The following FRMPD4 variants were observed in gnomAD, a reference collection of about 807,000 sequenced individuals.
FRMPD4 encodes the protein FERM and PDZ domain-containing protein 4.
A neutral mutation model predicts 94.1 loss-of-function variants in FRMPD4; 22 were observed. The observed-to-expected ratio is 0.23, with a 90% CI of 0.17 to 0.33. The LOEUF is 0.33. FRMPD4 is among the 10% of genes least tolerant of loss of function. The pLI, the probability that FRMPD4 is intolerant of heterozygous loss-of-function variation, is 1.00. For missense variants in FRMPD4, 1,111 were observed against 1,339.9 expected (o/e 0.83, Z 2.67); for synonymous variants, 631 against 548.6 (o/e 1.15, Z -2.10).
chrX:12,200,519 AG>A (rs1424816541), intron 1 of FRMPD4, among the ~76,000 whole-genome samples: 9 of 110,948 alleles, frequency 8.1e-5, no homozygotes, highest in African/African-American at 2.9e-4. Flanking sequence ...ATTTTTGCAG[AG>A]GTGGGGTCTC....
chrX:12,163,653 C>G (rs1345378096), intron 1 of FRMPD4, among the ~76,000 whole-genome samples: 1 of 111,935 alleles, frequency 8.9e-6, no homozygotes, highest in Non-Finnish European at 1.9e-5. Flanking sequence ...AAGGATAGCA[C>G]TATCCAATGA....
intron 1 of FRMPD4, among the ~76,000 whole-genome samples, chrX:12,146,139 G>A (rs1387381336): frequency 9.0e-6 from 1 of 110,854 alleles, no homozygotes; most frequent in Non-Finnish European, 1.9e-5. Flanking sequence ...CGAGGTGGGC[G>A]GATCACAAGG....
At chrX:12,493,406 A>G (rs1310661167) in intron 1 of FRMPD4, among the ~76,000 whole-genome samples, 1 of 111,418 alleles carries the variant, frequency 9.0e-6, no homozygotes, top group Non-Finnish European at 1.9e-5. Context: ...ATTTTGTTAG[A>G]CCTGTATAGT....
In FRMPD4 at chrX:12,526,057, T is replaced by C. The variant is rs761364702; in HGVS notation, c.158+27261T>C. Among the ~76,000 whole-genome samples, 10 of 112,785 alleles carry C rather than the reference T, an allele frequency of 8.9e-5. No homozygotes were observed. The South Asian group carries it at 3.3e-3, about 37-fold the overall frequency. On this transcript the variant is annotated intron_variant, in intron 2 of 16. Coordinates refer to ENST00000675598, the MANE Select transcript of FRMPD4 (RefSeq NM_001368397.1). The stretch of plus-strand genomic sequence containing the variant: ...TTTCTTTTTATTTCCTGAAATATTT[T>C]GTTATAATCTTTTTCTCAAGTCTGA...
At chrX:12,604,460 C>T (rs1029677369) in intron 2 of FRMPD4, among the ~76,000 whole-genome samples, 1 of 112,051 alleles carries the variant, frequency 8.9e-6, no homozygotes, top group South Asian at 3.7e-4. Flanking sequence ...TGTGTCATTG[C>T]ATTTGATAGG....
chrX:12,023,375 C>T (rs1349478948), intron 3 of FRMPD4, among the ~76,000 whole-genome samples: 1 of 111,626 alleles, frequency 9.0e-6, no homozygotes, highest in Admixed American at 9.5e-5. Flanking sequence ...TCAGTCATCC[C>T]TCATCTCCTG....
chrX:12,310,340 G>C (rs1269640948), intron 1 of FRMPD4, among the ~76,000 whole-genome samples: 2 of 110,742 alleles, frequency 1.8e-5, no homozygotes, highest in Non-Finnish European at 3.8e-5. Context: ...CTTCTTTTGT[G>C]GTGGAATGTC....
chrX:12,067,196 C>G (rs2054928596), intron 3 of FRMPD4, among the ~76,000 whole-genome samples: 1 of 110,020 alleles, frequency 9.1e-6, no homozygotes, highest in African/African-American at 3.3e-5. Context: ...TAAGGAAGCA[C>G]TGAACTCCAT....
chrX:12,626,091 C>G (rs2059343411), intron 4 of FRMPD4, among the ~76,000 whole-genome samples: 1 of 111,037 alleles, frequency 9.0e-6, no homozygotes, highest in Admixed American at 9.6e-5. Flanking sequence ...TTTTGGGAGG[C>G]CAAAGTGGGA....
intron 4 of FRMPD4, among the ~76,000 whole-genome samples, chrX:12,626,912 T>C (rs767300403): frequency 2.7e-5 from 3 of 109,209 alleles, no homozygotes; most frequent in South Asian, 4.1e-4. Context: ...TGCAGAAGAG[T>C]ATATTAGAAA....
At chrX:11,872,892 G>T (rs1396298233) in intron 2 of FRMPD4, among the ~76,000 whole-genome samples, 1 of 112,453 alleles carries the variant, frequency 8.9e-6, no homozygotes, top group African/African-American at 3.2e-5. Flanking sequence ...ACAAGTGTCT[G>T]TGAGGATGTG....
At chrX:11,878,731 T>A (rs955197269) in intron 3 of FRMPD4, among the ~76,000 whole-genome samples, 3 of 112,422 alleles carry the variant, frequency 2.7e-5, no homozygotes, top group African/African-American at 9.7e-5. Context: ...CACTTTGGAA[T>A]GCTGATTGGA....
intron 1 of FRMPD4, among the ~76,000 whole-genome samples, chrX:12,438,681 A>G (rs1001604339): frequency 1.8e-5 from 2 of 111,076 alleles, no homozygotes; most frequent in African/African-American, 6.6e-5. Context: ...CTCAATACAT[A>G]TTTGCTTAAT....
chrX:12,578,154 C>A (rs1452589984), intron 2 of FRMPD4, among the ~76,000 whole-genome samples: 4 of 112,421 alleles, frequency 3.6e-5, no homozygotes, highest in Non-Finnish European at 5.6e-5. Context: ...CCAAAGGCCC[C>A]ATCTCCAAAT....
At chrX:12,478,299 G>A (rs1472963349) in intron 1 of FRMPD4, among the ~76,000 whole-genome samples, 3 of 111,779 alleles carry the variant, frequency 2.7e-5, no homozygotes, top group African/African-American at 9.7e-5. Flanking sequence ...AGTAGGCCGG[G>A]CGTGGTGGCT....
intron 1 of FRMPD4, among the ~76,000 whole-genome samples, chrX:12,412,289 T>A (rs974907044): frequency 2.7e-5 from 3 of 112,149 alleles, no homozygotes; most frequent in African/African-American, 6.5e-5. Flanking sequence ...TTGCCCATTG[T>A]CTGAATTATC....
chrX:12,524,352 A>G (rs996029821), intron 2 of FRMPD4, among the ~76,000 whole-genome samples: 7 of 111,669 alleles, frequency 6.3e-5, no homozygotes, highest in Non-Finnish European at 9.4e-5. Flanking sequence ...GACATTTAGC[A>G]TGAGTGACTT....
At chrX:12,305,731 T>TTTTGTTTTTTG (rs1397032239) in intron 1 of FRMPD4, among the ~76,000 whole-genome samples, 1 of 93,205 alleles carries the variant, frequency 1.1e-5, no homozygotes, top group African/African-American at 4.1e-5. Context: ...CTAAGTTTTT[T>TTTTGTTTTTTG]TTTTTTTTTT....
chrX:12,203,902 A>G (rs1036200408), intron 1 of FRMPD4, among the ~76,000 whole-genome samples: 18 of 112,451 alleles, frequency 1.6e-4, no homozygotes, highest in African/African-American at 5.5e-4. Context: ...GTCCTCAGAG[A>G]TACAAAGACA....
Sources: allele counts gnomAD v4.1 joint callset (sites outside exome capture counted in the v4.1 genomes callset), GRCh38; gene constraint gnomAD v4.1.1; transcripts MANE v1.5; gene names NCBI Gene and HGNC (gene_info 2026-07-23, HGNC 2026-07-21).